The following CCDC171 variants were observed in gnomAD, a reference collection of about 807,000 sequenced individuals.
CCDC171 encodes coiled-coil domain-containing protein 171.
In CCDC171, 177 loss-of-function variants were observed where a neutral mutation model predicts 168.2. The ratio of observed to expected loss-of-function variants is 1.05; its 90% confidence interval spans 0.93 to 1.19. CCDC171 has a LOEUF of 1.19. CCDC171 is among the 50% of genes most tolerant of loss of function. CCDC171 has a pLI of 0.00. For synonymous variants in CCDC171, 687 were observed against 540.8 expected (o/e 1.27, Z -3.75); for missense variants, 1,991 against 1,539.0 (o/e 1.29, Z -4.91).
At chr9:15,739,687 T>C (rs2134519096) in intron 16 of CCDC171, among the ~76,000 whole-genome samples, 1 of 152,214 alleles carries the variant, frequency 6.6e-6, no homozygotes, top group East Asian at 1.9e-4. Flanking sequence ...GAGATTTGGG[T>C]TCTAGTAGGA....
the CCDC171 span, among the ~76,000 whole-genome samples, chr9:16,067,047 A>G: frequency 6.6e-6 from 1 of 152,082 alleles, no homozygotes; most frequent in South Asian, 2.1e-4. Context: ...ACTGACTTCC[A>G]CAGTGGTTGA....
chr9:15,853,259 G>T (rs1034889759), intron 23 of CCDC171, among the ~76,000 whole-genome samples: 2 of 151,626 alleles, frequency 1.3e-5, no homozygotes, highest in Non-Finnish European at 3.0e-5. Flanking sequence ...TCTCTCAAAA[G>T]ATGTTTTGTG....
At chr9:15,715,920 C>G (rs2053049098) in intron 11 of CCDC171, among the ~76,000 whole-genome samples, 1 of 152,194 alleles carries the variant, frequency 6.6e-6, no homozygotes, top group Non-Finnish European at 1.5e-5. Flanking sequence ...TACTCCACCT[C>G]CTCCTGTGGG....
intron 25 of CCDC171, among the ~76,000 whole-genome samples, chr9:15,968,865 G>A (rs1831070491): frequency 6.6e-6 from 1 of 152,066 alleles, no homozygotes; most frequent in East Asian, 1.9e-4. Flanking sequence ...GCTTTTAAGT[G>A]ACTTAAAATC....
intron 25 of CCDC171, among the ~76,000 whole-genome samples, chr9:15,951,550 T>G (rs1829179518): frequency 6.6e-6 from 1 of 151,120 alleles, no homozygotes; most frequent in Non-Finnish European, 1.5e-5. Flanking sequence ...TTGCTTGTTT[T>G]TTTAAGTAGC....
At chr9:15,976,811 C>A (rs12001170), downstream of CCDC171, among the ~76,000 whole-genome samples, 11,844 of 151,940 alleles carry the variant, frequency 0.078, 1,514 homozygotes, top group African/African-American at 0.27. Context: ...TTACAATGTA[C>A]TATGTGAATC....
chr9:15,947,701 T>C (rs1226092093), intron 25 of CCDC171, among the ~76,000 whole-genome samples: 2 of 152,076 alleles, frequency 1.3e-5, no homozygotes, highest in Non-Finnish European at 2.9e-5. Flanking sequence ...GACCCTACTT[T>C]CAATTCTTTC....
chr9:15,892,838 A>G (rs911096750), intron 24 of CCDC171, among the ~76,000 whole-genome samples: 1 of 152,204 alleles, frequency 6.6e-6, no homozygotes, highest in African/African-American at 2.4e-5. Flanking sequence ...AAGAATCAAT[A>G]TTGTGAAAAT....
At chr9:15,702,915 T>C (rs1425656314) in intron 11 of CCDC171, among the ~76,000 whole-genome samples, 1 of 151,856 alleles carries the variant, frequency 6.6e-6, no homozygotes, top group Non-Finnish European at 1.5e-5. Flanking sequence ...TTTTTTTTTT[T>C]TTCCCTGAGA....
intron 25 of CCDC171, among the ~76,000 whole-genome samples, chr9:15,935,012 G>A (rs1203428075): frequency 2.0e-5 from 3 of 152,062 alleles, no homozygotes; most frequent in African/African-American, 7.2e-5. Flanking sequence ...GGGGAGGAGA[G>A]GATGGAGAAT....
chr9:16,001,209 C>G (rs1832532920), intron 3 of CCDC171, among the ~76,000 whole-genome samples: 1 of 152,102 alleles, frequency 6.6e-6, no homozygotes, highest in African/African-American at 2.4e-5. Flanking sequence ...GGATATGCTG[C>G]CCAGTTTCTC....
At chr9:15,670,152 G>C (rs528341018) in intron 9 of CCDC171, among the ~76,000 whole-genome samples, 29 of 152,140 alleles carry the variant, frequency 1.9e-4, no homozygotes, top group Non-Finnish European at 1.5e-5. Context: ...TTGGTTGGGA[G>C]TTTAGCAGCA....
intron 4 of CCDC171, among the ~76,000 whole-genome samples, chr9:15,590,735 G>C (rs1278848730): frequency 1.3e-5 from 2 of 149,644 alleles, no homozygotes; most frequent in East Asian, 4.0e-4. Context: ...ATATATCACA[G>C]TCTTAAAAAT....
At chr9:15,931,431 G>A (rs1387156924) in intron 25 of CCDC171, among the ~76,000 whole-genome samples, 1 of 140,880 alleles carries the variant, frequency 7.1e-6, no homozygotes, top group Non-Finnish European at 1.6e-5. Flanking sequence ...TTTTTAAATT[G>A]GGGTCTTTCT....
intron 4 of CCDC171, among the ~76,000 whole-genome samples, chr9:15,590,418 A>G (rs2041892094): frequency 1.3e-5 from 2 of 152,230 alleles, no homozygotes; most frequent in South Asian, 4.1e-4. Context: ...AGTGAGAATC[A>G]GAGAATCAGG....
At chr9:15,742,370 C>A (rs904911612) in intron 16 of CCDC171, among the ~76,000 whole-genome samples, 1 of 152,260 alleles carries the variant, frequency 6.6e-6, no homozygotes, top group Non-Finnish European at 1.5e-5. Context: ...TCCTTTCTCT[C>A]ATTTCTTCAG....
chr9:15,726,336 G>A (rs2053798229), intron 14 of CCDC171, among the ~76,000 whole-genome samples: 2 of 152,156 alleles, frequency 1.3e-5, no homozygotes, highest in South Asian at 2.1e-4. Flanking sequence ...TATCATGCTT[G>A]GTTTATCACA....
intron 7 of CCDC171, among the ~76,000 whole-genome samples, chr9:15,642,612 C>A (rs4237140): frequency 0.94 from 143,273 of 151,824 alleles, 67,652 homozygotes; most frequent in East Asian, 1. Flanking sequence ...GCTTAAATTT[C>A]ATTATGTCTA....
In CCDC171 at chr9:15,900,387, G is replaced by C. The variant is rs374126486; in HGVS notation, c.3601-19883G>C. On this transcript the variant is annotated intron_variant, in intron 24 of 25. Coordinates refer to ENST00000380701, the MANE Select transcript of CCDC171 (RefSeq NM_173550.4). ...CCTGGGTGACAGCCAGCAAGAAAAT[G>C]GGGACTTCTTTTTCACAATGGCAAG... Among the ~76,000 whole-genome samples, 118 of 152,246 alleles carry C rather than the reference G, an allele frequency of 7.8e-4. 1 individual carries two copies. The highest frequency in any genetic ancestry group is 2.7e-3 in the African/African-American group (112 of 41,546).
Sources: gnomAD v4.1 joint callset for allele counts (sites outside exome capture counted in the v4.1 genomes callset) on GRCh38, gnomAD v4.1.1 for gene constraint, MANE v1.5 for transcripts, NCBI Gene and HGNC (gene_info 2026-07-23, HGNC 2026-07-21) for gene names.